The following NT5C3A variants were observed in gnomAD, a reference collection of about 807,000 sequenced individuals.
The protein encoded by NT5C3A is 5'-nucleotidase, cytosolic IIIA, also known as cytosolic 5'-nucleotidase 3A.
Under a neutral mutation model 40.0 loss-of-function variants are expected in NT5C3A, and 23 were observed. That is an observed-to-expected ratio of 0.58 (90% CI 0.41 to 0.81). NT5C3A has a LOEUF of 0.81. NT5C3A is among the 40% of genes least tolerant of loss of function. The pLI is 0.00. For missense variants in NT5C3A, 328 were observed against 403.0 expected (o/e 0.81, Z 1.59); for synonymous variants, 130 against 141.4 (o/e 0.92, Z 0.57).
intron 1 of NT5C3A, among the ~76,000 whole-genome samples, chr7:33,040,473 C>G (rs1470597349): frequency 6.6e-6 from 1 of 152,174 alleles, no homozygotes; most frequent in Non-Finnish European, 1.5e-5. Flanking sequence ...CCCATAATAA[C>G]TGTTCCTAAT....
chr7:33,029,604 T>C, intron 1 of NT5C3A: 1 of 1,221,726 alleles, frequency 8.2e-7, no homozygotes, highest in Non-Finnish European at 1.1e-6. Context: ...AAATATTTGA[T>C]TTCAGTGTAC....
At chr7:33,058,594 A>G (rs1457065042) in intron 1 of NT5C3A, among the ~76,000 whole-genome samples, 2 of 152,036 alleles carry the variant, frequency 1.3e-5, no homozygotes, top group African/African-American at 4.8e-5. Context: ...CAGATGATCC[A>G]CCCGCCTTGG....
At position 33,015,581 on chromosome 7, in the gene NT5C3A, C is replaced by A. The variant is rs201533244; in HGVS notation, c.894+89G>T. On this transcript the variant is annotated intron_variant, in intron 8 of 8. Coordinates refer to ENST00000610140, the MANE Select transcript of NT5C3A (RefSeq NM_001002010.5). ...TCAAAAAAAAAAGTCTCTAAAATAACTACTTTCTCAGGTGACTATGGCAAC... is the reference window on the plus strand; with the variant it reads ...TCAAAAAAAAAAGTCTCTAAAATAAATACTTTCTCAGGTGACTATGGCAAC... The A allele has an allele frequency of 6.1e-6, 5 of 821,276 alleles. No homozygotes were observed. In the South Asian group the frequency reaches 6.5e-5, roughly 11 times the overall value. 50.9% of individuals were successfully genotyped at this position (821,276 alleles called of 1,614,324 possible).
intron 4 of NT5C3A, chr7:33,021,788 A>G: frequency 2.1e-6 from 1 of 474,398 alleles, no homozygotes; most frequent in South Asian, 2.5e-5. Flanking sequence ...AGTTAACGTT[A>G]CAACACCAGA....
At chr7:33,026,657 ATT>A (rs34317509) in intron 2 of NT5C3A, among the ~76,000 whole-genome samples, 158 bp downstream of exon 2, 7 of 136,154 alleles carry the variant, frequency 5.1e-5, no homozygotes, top group Non-Finnish European at 4.8e-5. Flanking sequence ...ATGCCCGGCC[ATT>A]TTTTTTTTTT....
At chr7:33,038,203 CA>C in intron 1 of NT5C3A, among the ~76,000 whole-genome samples, 1 of 151,698 alleles carries the variant, frequency 6.6e-6, no homozygotes, top group South Asian at 2.1e-4. Context: ...GTAGAGTTTA[CA>C]AAAATACCGC....
intron 1 of NT5C3A, among the ~76,000 whole-genome samples, chr7:33,032,416 C>T (rs1337963759): frequency 6.6e-5 from 6 of 90,302 alleles, no homozygotes; most frequent in Non-Finnish European, 1.1e-4. Context: ...GAGTGAGACT[C>T]GGTCTCCAAA....
At chr7:33,022,683 A>G (rs1486063399) in intron 3 of NT5C3A, among the ~76,000 whole-genome samples, 1 of 152,182 alleles carries the variant, frequency 6.6e-6, no homozygotes, top group Non-Finnish European at 1.5e-5. Flanking sequence ...TTCACATTGT[A>G]GTCTGCATTT....
In NT5C3A at chr7:33,025,464, AT is replaced by A. The variant is rs1167719317; in HGVS notation, c.237+1352del. ...TCAGAAATGTTTTAAAAAAGGAATA[AT>A]TTTTTTTTTTACAGAATATCCAGAT... On this transcript the variant is annotated intron_variant, in intron 2 of 8. Transcript: ENST00000610140. 8.4e-3 allele frequency among the ~76,000 whole-genome samples: 1,251 copies of A among 149,214 alleles called. 12 individuals are homozygous for A. Among genetic ancestry groups the A allele is most frequent in the African/African-American group, 0.027 (1,118 of 40,982 alleles).
At chr7:33,032,920 T>A (rs4723238) in intron 1 of NT5C3A, among the ~76,000 whole-genome samples, 109,993 of 151,840 alleles carry the variant, frequency 0.72, 40,105 homozygotes, top group African/African-American at 0.79. Context: ...TGCCCAGGTA[T>A]TTTTTTAATT....
chr7:33,023,131 C>T (rs1785723719), intron 3 of NT5C3A, among the ~76,000 whole-genome samples: 1 of 151,812 alleles, frequency 6.6e-6, no homozygotes, highest in East Asian at 1.9e-4. Flanking sequence ...AGGCTGGTCT[C>T]AAACTCCTGG....
At chr7:33,022,351 G>C (rs1785672343) in intron 3 of NT5C3A, among the ~76,000 whole-genome samples, 1 of 152,148 alleles carries the variant, frequency 6.6e-6, no homozygotes, top group Non-Finnish European at 1.5e-5. Context: ...TTACATCACT[G>C]AGATAGACAA....
chr7:33,024,109 C>T lies in NT5C3A; in HGVS notation c.238-1G>A. ...GTGTCATATCAAAGTCCGTTATTAT[C>T]TGTAAGAAAAGAGTGAAATGCATTA... is the stretch of plus-strand genomic sequence containing the variant. On this transcript the variant is annotated splice_acceptor_variant, in intron 2 of 8. Coordinates refer to ENST00000610140, the MANE Select transcript of NT5C3A (RefSeq NM_001002010.5). LOFTEE classifies it high-confidence loss of function. The T allele has an allele frequency of 6.4e-7, 1 of 1,556,650 alleles. No individual in the cohort carries two copies. The highest frequency in any genetic ancestry group is 8.9e-7 in the Non-Finnish European group (1 of 1,128,982).
At position 33,046,962 on chromosome 7, in the gene NT5C3A, C is replaced by T. The variant is rs1000319700; in HGVS notation, c.138+15606G>A. On this transcript the variant is annotated intron_variant, in intron 1 of 8. Transcript: ENST00000610140. ...GGGACCACAGGTGCACCCTGCCACACCTGGCTTCTTTTTTTTTTTTTTTTA... is the reference window on the plus strand; with the variant it reads ...GGGACCACAGGTGCACCCTGCCACATCTGGCTTCTTTTTTTTTTTTTTTTA... 3.1e-5 allele frequency among the ~76,000 whole-genome samples: 4 copies of T among 127,740 alleles called. No individual in the cohort carries two copies. In the Admixed American group the frequency reaches 3.6e-4, roughly 11 times the overall value. The allele number at this position is 127,740 out of a possible 152,430, so 83.8% of individuals were successfully genotyped here. A position where few individuals can be genotyped will look rare whatever the true frequency, so the allele number is the denominator to read the frequency against.
At chr7:33,027,798 A>T (rs117007940) in intron 1 of NT5C3A, among the ~76,000 whole-genome samples, 2,076 of 152,206 alleles carry the variant, frequency 0.014, 25 homozygotes, top group South Asian at 0.065. Context: ...CTAAACTTCC[A>T]CCCTAATACT....
chr7:33,038,092 T>C (rs111981580), intron 1 of NT5C3A, among the ~76,000 whole-genome samples: 35 of 152,238 alleles, frequency 2.3e-4, no homozygotes, highest in African/African-American at 8.4e-4. Context: ...TGATGTTTAA[T>C]ATGTGAAAAG....
chr7:33,017,260 G>A (rs1785384977), intron 7 of NT5C3A, 179 bp downstream of exon 7: 1 of 583,274 alleles, frequency 1.7e-6, no homozygotes, highest in East Asian at 2.8e-5. Context: ...GTTTAAGAAG[G>A]GCACATTGTT....
rs545234780 is a variant in NT5C3A at position 33,032,248 on chromosome 7, A to C, written c.139-5333T>G. Among the ~76,000 whole-genome samples, 241 of 150,926 alleles carry C rather than the reference A, an allele frequency of 1.6e-3. 2 individuals are homozygous for C. Among genetic ancestry groups the C allele is most frequent in the Non-Finnish European group, 2.6e-3 (174 of 67,740 alleles). The stretch of plus-strand genomic sequence containing the variant: ...AGATCAGCCTGGGTAACATGGTGAA[A>C]CCCCATCTCTACTAAATATACAAAA... On this transcript the variant is annotated intron_variant, in intron 1 of 8. Transcript: ENST00000610140.
chr7:33,043,803 T>TGG (rs899424827), intron 1 of NT5C3A, among the ~76,000 whole-genome samples: 1 of 152,110 alleles, frequency 6.6e-6, no homozygotes, highest in African/African-American at 2.4e-5. Context: ...GTGGGACTGG[T>TGG]GGGGTGTCCC....
Sources: gnomAD v4.1 joint callset for allele counts (sites outside exome capture counted in the v4.1 genomes callset) on GRCh38, gnomAD v4.1.1 for gene constraint, MANE v1.5 for transcripts, NCBI Gene and HGNC (gene_info 2026-07-23, HGNC 2026-07-21) for gene names.